The following SLC39A11 variants were observed in gnomAD, a reference collection of about 807,000 sequenced individuals.
SLC39A11 encodes zinc transporter ZIP11.
A neutral mutation model predicts 36.1 loss-of-function variants in SLC39A11; 33 were observed. That is an observed-to-expected ratio of 0.91 (90% CI 0.69 to 1.22). The LOEUF (loss-of-function observed/expected upper bound fraction) is 1.22. SLC39A11 is among the 50% of genes most tolerant of loss of function. The pLI is 0.00. For synonymous variants in SLC39A11, 166 were observed against 170.3 expected, an observed-to-expected ratio of 0.97 and a Z score of 0.20; for missense variants, 432 against 430.3, an observed-to-expected ratio of 1.00 and a Z score of -0.03.
chr17:72,837,747 C>T (rs79879356), intron 6 of SLC39A11: 38,720 of 295,658 alleles, frequency 0.13, 2,963 homozygotes, highest in East Asian at 0.19. Flanking sequence ...ACAACATCAA[C>T]GAAACTTGGA....
intron 5 of SLC39A11, among the ~76,000 whole-genome samples, chr17:72,867,606 T>C (rs1190408219): frequency 6.6e-6 from 1 of 151,822 alleles, no homozygotes; most frequent in African/African-American, 2.4e-5. Flanking sequence ...AAAATAAAAA[T>C]CAATCAATCC....
intron 6 of SLC39A11, among the ~76,000 whole-genome samples, chr17:72,822,459 G>T (rs1466242103): frequency 1.3e-5 from 2 of 150,536 alleles, no homozygotes; most frequent in African/African-American, 4.9e-5. Flanking sequence ...TTGTACTTTT[G>T]CTCCCAGCTC....
At position 72,647,621 on chromosome 17, in the gene SLC39A11, A is replaced by G. The variant is rs2069614607; in HGVS notation, c.971T>C (p.Phe324Ser). ...KLASWASILG[F>S]VVMMSLDVGL... ...AACGTCCAGTGACATCATCACTACA[A>G]ATCCCAGGATGGAGGCCCAGGATGC... The change falls in exon 10 of 10, where the codon TTT becomes TCT. Residue 324 changes from phenylalanine (F) to serine (S), a missense_variant. Phe to Ser is a radical substitution (Grantham distance 155). Transcript: ENST00000255559. The G allele has an allele frequency of 6.2e-7, 1 of 1,614,028 alleles. No homozygotes were observed. Among genetic ancestry groups the G allele is most frequent in the African/African-American group, 1.3e-5 (1 of 75,030 alleles).
At chr17:72,770,452 C>T (rs575662512) in intron 6 of SLC39A11, among the ~76,000 whole-genome samples, 56 of 152,320 alleles carry the variant, frequency 3.7e-4, no homozygotes, top group Non-Finnish European at 6.6e-4. Flanking sequence ...ACACTTTTGG[C>T]TCATGGGCCT....
At chr17:72,986,477 C>A (rs1413572254) in intron 4 of SLC39A11, among the ~76,000 whole-genome samples, 2 of 152,218 alleles carry the variant, frequency 1.3e-5, no homozygotes, top group Non-Finnish European at 2.9e-5. Context: ...ACCTGCCAGG[C>A]ACTGGCCCAC....
At position 72,794,537 on chromosome 17, in the gene SLC39A11, G is replaced by C. The variant is rs1188799518; in HGVS notation, c.601+55097C>G. Among the ~76,000 whole-genome samples the C allele has an allele frequency of 2.6e-5, 4 of 151,966 alleles. No homozygotes were observed. In the East Asian group the frequency reaches 7.7e-4, roughly 29 times the overall value. On this transcript the variant is annotated intron_variant, in intron 6 of 9. Coordinates refer to ENST00000255559, the MANE Select transcript of SLC39A11 (RefSeq NM_139177.4). Reference sequence around the variant, plus strand: ...CCAAGGCCCCGGTGTCCTGTCCTCTGCCTATATCCCCAGCTGTGTCCAAGC... The same window carrying C: ...CCAAGGCCCCGGTGTCCTGTCCTCTCCCTATATCCCCAGCTGTGTCCAAGC...
At chr17:72,915,573 A>G (rs2083282902) in intron 5 of SLC39A11, among the ~76,000 whole-genome samples, 1 of 150,770 alleles carries the variant, frequency 6.6e-6, no homozygotes, top group South Asian at 2.1e-4. Flanking sequence ...TCATGTGGAT[A>G]CAAGTGAGAC....
rs74336066 is a variant in SLC39A11, at chr17:72,761,789, T to C, written c.602-25070A>G. On this transcript the variant is annotated intron_variant, in intron 6 of 9. Transcript: ENST00000255559. ...AAAGAGATTTCTATTTATGGGCCAA[T>C]TGCAATGTCCTAATGAGCAACATGC... 8.0e-3 allele frequency among the ~76,000 whole-genome samples: 1,221 copies of C among 152,216 alleles called. 17 individuals are homozygous for C. The highest frequency in any genetic ancestry group is 0.028 in the African/African-American group (1,176 of 41,522).
chr17:72,711,052 G>T (rs2073087683), intron 7 of SLC39A11, among the ~76,000 whole-genome samples: 1 of 152,162 alleles, frequency 6.6e-6, no homozygotes, highest in South Asian at 2.1e-4. Context: ...AGCATGCAAG[G>T]CCTCTGATGA....
At chr17:72,725,854 G>T (rs1433852347) in intron 7 of SLC39A11, among the ~76,000 whole-genome samples, 2 of 152,232 alleles carry the variant, frequency 1.3e-5, no homozygotes, top group African/African-American at 4.8e-5. Context: ...AAATAAAATT[G>T]AGAGCACAAT....
At chr17:73,026,517 C>CAAAAAAAAAA (rs548390962) in intron 4 of SLC39A11, among the ~76,000 whole-genome samples, 1 of 75,584 alleles carries the variant, frequency 1.3e-5, no homozygotes, top group African/African-American at 4.0e-5. Context: ...GAAACTACAT[C>CAAAAAAAAAA]AAAAAAAAAA....
chr17:73,089,814 C>T (rs1431666201), intron 1 of SLC39A11: 1 of 152,182 alleles, frequency 6.6e-6, no homozygotes, highest in East Asian at 1.9e-4. Flanking sequence ...TACACCACCG[C>T]CCACCAAGGA....
chr17:72,719,717 C>T (rs984643361), intron 7 of SLC39A11, among the ~76,000 whole-genome samples: 1 of 152,208 alleles, frequency 6.6e-6, no homozygotes, highest in African/African-American at 2.4e-5. Flanking sequence ...CCCTCCCTCC[C>T]CCAAGGTCTG....
intron 5 of SLC39A11, among the ~76,000 whole-genome samples, chr17:72,938,801 T>C (rs1323806436): frequency 6.6e-6 from 1 of 152,166 alleles, no homozygotes; most frequent in Non-Finnish European, 1.5e-5. Context: ...TGAGCTGAAA[T>C]GAATGTGTCA....
chr17:72,714,733 G>A (rs944764462), intron 7 of SLC39A11, among the ~76,000 whole-genome samples: 1 of 152,186 alleles, frequency 6.6e-6, no homozygotes, highest in Non-Finnish European at 1.5e-5. Flanking sequence ...ACCTTTTTGT[G>A]ATTATGGGGC....
At chr17:72,738,499 C>G (rs1301549486) in intron 6 of SLC39A11, among the ~76,000 whole-genome samples, 2 of 152,102 alleles carry the variant, frequency 1.3e-5, no homozygotes, top group Non-Finnish European at 2.9e-5. Flanking sequence ...ACCCACTCGC[C>G]TAGGGATCAG....
intron 3 of SLC39A11, among the ~76,000 whole-genome samples, chr17:73,069,493 A>C (rs78955528): frequency 0.015 from 2,355 of 152,338 alleles, 62 homozygotes; most frequent in African/African-American, 0.047. Context: ...AGAAAGAAAC[A>C]AATGGTTATT....
chr17:73,043,584 T>C (rs1352311943), intron 3 of SLC39A11, among the ~76,000 whole-genome samples: 1 of 151,956 alleles, frequency 6.6e-6, no homozygotes, highest in African/African-American at 2.4e-5. Flanking sequence ...AACGGAGGCA[T>C]TTTGGAAGGG....
At chr17:73,022,015 G>A (rs2058368747) in intron 4 of SLC39A11, among the ~76,000 whole-genome samples, 2 of 152,322 alleles carry the variant, frequency 1.3e-5, no homozygotes, top group South Asian at 2.1e-4. Context: ...CAACAGAGGT[G>A]GGTTTCTGAA....
Sources: gnomAD v4.1 joint callset for allele counts (sites outside exome capture counted in the v4.1 genomes callset) on GRCh38, gnomAD v4.1.1 for gene constraint, MANE v1.5 for transcripts, NCBI Gene and HGNC (gene_info 2026-07-23, HGNC 2026-07-21) for gene names.